The following NECAB1 variants were observed in gnomAD, a reference collection of about 807,000 sequenced individuals.
NECAB1 encodes N-terminal EF-hand calcium-binding protein 1.
A neutral mutation model predicts 57.5 loss-of-function variants in NECAB1; 29 were observed. The ratio of observed to expected loss-of-function variants is 0.50; its 90% CI spans 0.38 to 0.69. The LOEUF is 0.69. NECAB1 is among the 30% of genes least tolerant of loss of function. The pLI is 0.00. For missense variants in NECAB1, 372 were observed against 413.8 expected (o/e 0.90, Z 0.88); for synonymous variants, 142 against 147.7 (o/e 0.96, Z 0.28).
rs564667376 is a variant in NECAB1, at chr8:90,925,417, A to G, written c.495-118A>G. ...AGAGCATTTACAAGCAGTCATTCTCATAAGTTTTCATTTTGCTGCACTAGA... is the reference window on the plus strand; with the variant it reads ...AGAGCATTTACAAGCAGTCATTCTCGTAAGTTTTCATTTTGCTGCACTAGA... On this transcript the variant is annotated intron_variant, in intron 6 of 12. Transcript: ENST00000417640. 3.9e-4 allele frequency: 449 copies of G among 1,143,828 alleles called. 6 individuals are homozygous for G. In the South Asian group the frequency reaches 6.9e-3, roughly 17 times the overall value. The allele number at this position is 1,143,828 out of a possible 1,614,324, so 70.9% of individuals were successfully genotyped here.
chr8:90,849,291 A>G (rs893334053), intron 3 of NECAB1, among the ~76,000 whole-genome samples: 2 of 152,106 alleles, frequency 1.3e-5, no homozygotes, highest in Non-Finnish European at 2.9e-5. Context: ...CAACATAGCA[A>G]GACCCTGTCT....
chr8:90,898,170 T>C (rs1430303398), intron 5 of NECAB1, among the ~76,000 whole-genome samples: 1 of 152,074 alleles, frequency 6.6e-6, no homozygotes, highest in Non-Finnish European at 1.5e-5. Context: ...AGGCTGCATT[T>C]TGAGTGATAG....
At chr8:90,899,948 C>T (rs935879283) in intron 5 of NECAB1, among the ~76,000 whole-genome samples, 1 of 152,084 alleles carries the variant, frequency 6.6e-6, no homozygotes, top group African/African-American at 2.4e-5. Context: ...TTCCTTCCTC[C>T]CTACAGTCTG....
At chr8:90,945,443 G>A (rs1239154741) in intron 10 of NECAB1, among the ~76,000 whole-genome samples, 7 of 151,896 alleles carry the variant, frequency 4.6e-5, no homozygotes, top group South Asian at 4.2e-4. Flanking sequence ...CAAGTGATCC[G>A]CCCACCTCGG....
At chr8:90,955,433 T>C (rs1284110338) in intron 12 of NECAB1, 54 bp from the exon 13 acceptor site, 2 of 1,352,620 alleles carry the variant, frequency 1.5e-6, no homozygotes, top group Non-Finnish European at 2.1e-6. Context: ...CCTTGAATGT[T>C]CTTTGCCCTA....
intron 2 of NECAB1, chr8:90,806,471 CTGT>C (rs750806600): frequency 1.3e-5 from 2 of 152,268 alleles, no homozygotes; most frequent in Non-Finnish European, 2.9e-5. Context: ...AAACAAAGCA[CTGT>C]TGTTATTTAT....
chr8:90,800,857 C>T (rs1403289981), intron 1 of NECAB1, among the ~76,000 whole-genome samples: 2 of 152,098 alleles, frequency 1.3e-5, no homozygotes, highest in Non-Finnish European at 2.9e-5. Flanking sequence ...CATAAGTGCC[C>T]TGCCCAACAC....
chr8:90,875,142 C>T (rs1307546691), intron 4 of NECAB1, among the ~76,000 whole-genome samples: 1 of 152,150 alleles, frequency 6.6e-6, no homozygotes, highest in Non-Finnish European at 1.5e-5. Flanking sequence ...TAACCTTACT[C>T]ATTTTTACTG....
chr8:90,849,599 A>C (rs571705684), intron 3 of NECAB1, among the ~76,000 whole-genome samples: 2 of 151,512 alleles, frequency 1.3e-5, no homozygotes, highest in South Asian at 4.2e-4. Flanking sequence ...ATATAGCAGA[A>C]TAATTTGAAT....
chr8:90,913,096 C>T (rs981365364), intron 5 of NECAB1, among the ~76,000 whole-genome samples: 1 of 152,106 alleles, frequency 6.6e-6, no homozygotes, highest in South Asian at 2.1e-4. Context: ...CTAATTAACT[C>T]AGATGATTCT....
chr8:90,847,474 G>A (rs1452135870), intron 3 of NECAB1, among the ~76,000 whole-genome samples: 1 of 152,206 alleles, frequency 6.6e-6, no homozygotes, highest in African/African-American at 2.4e-5. Flanking sequence ...CTGGGGTCTG[G>A]AGGATGGTGG....
chr8:90,927,023 C>T (rs58195562), intron 7 of NECAB1, among the ~76,000 whole-genome samples: 13,429 of 152,124 alleles, frequency 0.088, 1,586 homozygotes, highest in African/African-American at 0.26. Flanking sequence ...TTGTTCTTTC[C>T]ATTTTAACCA....
chr8:90,938,278 A>G (rs773286092), intron 9 of NECAB1, among the ~76,000 whole-genome samples: 22 of 152,200 alleles, frequency 1.4e-4, no homozygotes, highest in Admixed American at 5.9e-4. Flanking sequence ...CAAAATTTCT[A>G]TAAGGTAAAT....
At chr8:90,867,582 A>C (rs1355569455) in intron 3 of NECAB1, among the ~76,000 whole-genome samples, 1 of 152,214 alleles carries the variant, frequency 6.6e-6, no homozygotes, top group African/African-American at 2.4e-5. Flanking sequence ...CTAAACTGTT[A>C]CTGATCAAAC....
intron 4 of NECAB1, among the ~76,000 whole-genome samples, chr8:90,876,910 A>G (rs1206991555): frequency 1.3e-5 from 2 of 152,222 alleles, no homozygotes; most frequent in African/African-American, 4.8e-5. Context: ...ACCCACATAC[A>G]GGTTTCAACA....
chr8:90,899,336 TG>T lies in NECAB1; in HGVS notation c.358-18153del, dbSNP rs1248796480. Reference sequence around the variant, plus strand: ...ATACCAGGATGTGATTTGAGGAACATGGGCAAAAATTCAAGAATCTGTGAAA... The same window carrying T: ...ATACCAGGATGTGATTTGAGGAACATGGCAAAAATTCAAGAATCTGTGAAA... On this transcript the variant is annotated intron_variant, in intron 5 of 12. Coordinates refer to ENST00000417640, the MANE Select transcript of NECAB1 (RefSeq NM_022351.5). Among the ~76,000 whole-genome samples the T allele has an allele frequency of 2.0e-5, 3 of 152,174 alleles. No homozygotes were observed. In the East Asian group the frequency reaches 5.8e-4, roughly 29 times the overall value.
chr8:90,917,864 A>ATGTG (rs1213133114), intron 6 of NECAB1, among the ~76,000 whole-genome samples: 5 of 89,996 alleles, frequency 5.6e-5, no homozygotes, highest in Non-Finnish European at 9.2e-5. Flanking sequence ...ATATATATAT[A>ATGTG]TATATATGTG....
At chr8:90,907,230 C>T (rs772049354) in intron 5 of NECAB1, among the ~76,000 whole-genome samples, 1 of 147,898 alleles carries the variant, frequency 6.8e-6, no homozygotes, top group Non-Finnish European at 1.5e-5. Context: ...ATACTATGAA[C>T]TCTTGGCTTA....
At chr8:90,936,073 A>T (rs1359123607) in intron 9 of NECAB1, among the ~76,000 whole-genome samples, 1 of 152,160 alleles carries the variant, frequency 6.6e-6, no homozygotes, top group South Asian at 2.1e-4. Context: ...AATTAATGGT[A>T]GTAAGTGCAT....
Sources: gnomAD v4.1 joint callset for allele counts (sites outside exome capture counted in the v4.1 genomes callset) on GRCh38, gnomAD v4.1.1 for gene constraint, MANE v1.5 for transcripts, NCBI Gene and HGNC (gene_info 2026-07-23, HGNC 2026-07-21) for gene names.